The following SMARCAL1 variants were observed in gnomAD, a reference collection of about 807,000 sequenced individuals.
SMARCAL1 encodes the protein SNF2 related chromatin remodeling annealing helicase 1.
Under a neutral mutation model 94.5 loss-of-function variants are expected in SMARCAL1, and 58 were observed. The observed-to-expected ratio is 0.61, with a 90% CI of 0.50 to 0.76. The LOEUF is 0.76. SMARCAL1 is among the 30% of genes least tolerant of loss of function. SMARCAL1 has a pLI of 0.00. For synonymous variants in SMARCAL1, 422 were observed against 455.1 expected (o/e 0.93, Z 0.93); for missense variants, 1,051 against 1,177.9 (o/e 0.89, Z 1.58).
At chr2:216,438,928 A>G (rs557867777) in intron 10 of SMARCAL1, among the ~76,000 whole-genome samples, 6 of 152,314 alleles carry the variant, frequency 3.9e-5, no homozygotes, top group Admixed American at 1.3e-4. Context: ...GTATTAATGA[A>G]AGTAATGGCA....
At chr2:216,467,822 G>A (rs1694862565) in intron 13 of SMARCAL1, 122 bp from the exon 14 acceptor site, 2 of 722,064 alleles carry the variant, frequency 2.8e-6, no homozygotes, top group Non-Finnish European at 2.5e-6. Context: ...CGGAGGTAAA[G>A]TGAAAACTGT....
intron 6 of SMARCAL1, among the ~76,000 whole-genome samples, chr2:216,425,177 G>A (rs924544149): frequency 1.3e-5 from 2 of 152,214 alleles, no homozygotes; most frequent in African/African-American, 4.8e-5. Context: ...CACTGAGGGC[G>A]AGCTAGGCAT....
At chr2:216,466,117 G>A (rs1019002612) in intron 13 of SMARCAL1, among the ~76,000 whole-genome samples, 10 of 152,108 alleles carry the variant, frequency 6.6e-5, no homozygotes, top group African/African-American at 1.4e-4. Flanking sequence ...AAGGGTGTGC[G>A]TTTCTCCCTT....
At chr2:216,435,556 GCT>G in intron 9 of SMARCAL1, 60 bp downstream of exon 9, 1 of 1,466,132 alleles carries the variant, frequency 6.8e-7, no homozygotes, top group Non-Finnish European at 9.5e-7. Context: ...CTTTGTAAAA[GCT>G]CTGAGAACTT....
At chr2:216,428,885 T>C in intron 7 of SMARCAL1, 103 bp downstream of exon 7, 1 of 1,080,476 alleles carries the variant, frequency 9.3e-7, no homozygotes, top group Non-Finnish European at 1.4e-6. Flanking sequence ...TTATTTACCA[T>C]GGATAGATGA....
chr2:216,464,594 C>T lies in SMARCAL1; in HGVS notation c.2071-3C>T. On this transcript the variant is annotated splice_polypyrimidine_tract_variant and splice_region_variant and intron_variant, in intron 12 of 17. Coordinates refer to ENST00000357276, the MANE Select transcript of SMARCAL1 (RefSeq NM_014140.4). ...TTAACATTCTTAACTTATCTTTCAA[C>T]AGAAACAGCAGCAGAAAGATGCCCT... is the stretch of plus-strand genomic sequence containing the variant. 1 of 1,610,506 alleles carries T rather than the reference C, an allele frequency of 6.2e-7. No individual in the cohort carries two copies. Among genetic ancestry groups the T allele is most frequent in the Non-Finnish European group, 8.5e-7 (1 of 1,177,184 alleles).
chr2:216,444,620 A>G (rs1354143664), intron 10 of SMARCAL1, among the ~76,000 whole-genome samples: 1 of 152,140 alleles, frequency 6.6e-6, no homozygotes, highest in Non-Finnish European at 1.5e-5. Context: ...CCCCTGTTCA[A>G]GTGATTCCCT....
chr2:216,475,018 A>G lies in SMARCAL1; in HGVS notation c.2245-251A>G, dbSNP rs1695040343. ...CATCCTGGCTGTGGTATTATACTAT[A>G]GTTTTTATAGAATGTTACCACTGCA... is the stretch of plus-strand genomic sequence containing the variant. On this transcript the variant is annotated intron_variant, in intron 14 of 17. Coordinates refer to ENST00000357276, the MANE Select transcript of SMARCAL1 (RefSeq NM_014140.4). The surrounding 1 kb of genome is among the most constrained non-coding windows in gnomAD (Gnocchi z 4.4). Among the ~76,000 whole-genome samples, 1 of 152,258 alleles carries G rather than the reference A, an allele frequency of 6.6e-6. No homozygotes were observed.
intron 8 of SMARCAL1, among the ~76,000 whole-genome samples, chr2:216,433,333 C>G (rs1309687651): frequency 6.6e-6 from 1 of 152,158 alleles, no homozygotes; most frequent in Non-Finnish European, 1.5e-5. Flanking sequence ...ATCCACCTGT[C>G]TTGGCCTCCC....
In SMARCAL1 at chr2:216,450,952, A is replaced by G. The variant is rs2106055268; in HGVS notation, c.1958A>G (p.Gln653Arg). 3 of 1,614,228 alleles carry G rather than the reference A, an allele frequency of 1.9e-6. No homozygotes were observed. Among genetic ancestry groups the G allele is most frequent in the Non-Finnish European group, 2.5e-6 (3 of 1,180,032 alleles). ...LRRLKSDVLS[Q>R]LPAKQRKIVV... is the part of the protein sequence containing the mutation. ...CGCCTCAAGTCCGACGTCCTTTCCCAGCTGCCTGCCAAGCAGCGCAAGATA... is the reference window on the plus strand; with the variant it reads ...CGCCTCAAGTCCGACGTCCTTTCCCGGCTGCCTGCCAAGCAGCGCAAGATA... Residue 653 changes from glutamine to arginine, a missense_variant, in exon 12 of 18, where the codon CAG becomes CGG. Physicochemically the swap from Gln to Arg is conservative, Grantham distance 43. Coordinates refer to ENST00000357276, the MANE Select transcript of SMARCAL1 (RefSeq NM_014140.4).
intron 12 of SMARCAL1, among the ~76,000 whole-genome samples, chr2:216,458,545 C>T (rs1414625612): frequency 6.6e-6 from 1 of 152,150 alleles, no homozygotes; most frequent in Non-Finnish European, 1.5e-5. Flanking sequence ...AATCAATAAA[C>T]ATAATCCAGC....
intron 12 of SMARCAL1, among the ~76,000 whole-genome samples, chr2:216,455,817 C>T (rs1694552291): frequency 6.6e-6 from 1 of 152,230 alleles, no homozygotes; most frequent in South Asian, 2.1e-4. Flanking sequence ...AGGAATGCAG[C>T]TCCTCACCAG....
chr2:216,433,912 G>A (rs1295761764), intron 8 of SMARCAL1, among the ~76,000 whole-genome samples: 3 of 148,494 alleles, frequency 2.0e-5, no homozygotes, highest in Admixed American at 6.7e-5. Flanking sequence ...TATTCTGACC[G>A]AAGAGATGGC....
chr2:216,455,994 G>T (rs1694557889), intron 12 of SMARCAL1, among the ~76,000 whole-genome samples: 1 of 152,186 alleles, frequency 6.6e-6, no homozygotes, highest in Non-Finnish European at 1.5e-5. Context: ...CCAATGCAGA[G>T]AAGTCCTTAA....
chr2:216,437,649 G>A (rs1484749652), intron 9 of SMARCAL1, among the ~76,000 whole-genome samples: 1 of 152,036 alleles, frequency 6.6e-6, no homozygotes, highest in Non-Finnish European at 1.5e-5. Flanking sequence ...ACACAGCAAG[G>A]AATTTGACTC....
intron 7 of SMARCAL1, among the ~76,000 whole-genome samples, chr2:216,430,733 A>T (rs891153541): frequency 1.3e-5 from 2 of 152,240 alleles, no homozygotes; most frequent in Admixed American, 1.3e-4. Flanking sequence ...TGGAAATTAT[A>T]GATGGTAAAG....
At chr2:216,461,737 G>A (rs953156146) in intron 12 of SMARCAL1, among the ~76,000 whole-genome samples, 4 of 152,060 alleles carry the variant, frequency 2.6e-5, no homozygotes, top group Non-Finnish European at 5.9e-5. Flanking sequence ...AGGAGGCTGA[G>A]GTGGGAAGAT....
At position 216,441,309 on chromosome 2, in the gene SMARCAL1, A is replaced by G. The variant is rs373554199; in HGVS notation, c.1710+2824A>G. Reference sequence around the variant, plus strand: ...AAATTGGTGTCACTGTCCCCTGGGAAACGTGACATTTTTCTTCCCCCACAG... The same window carrying G: ...AAATTGGTGTCACTGTCCCCTGGGAGACGTGACATTTTTCTTCCCCCACAG... On this transcript the variant is annotated intron_variant, in intron 10 of 17. Coordinates refer to ENST00000357276, the MANE Select transcript of SMARCAL1 (RefSeq NM_014140.4). Among the ~76,000 whole-genome samples the G allele has an allele frequency of 6.6e-5, 10 of 152,314 alleles. No individual in the cohort carries two copies. In the East Asian group the frequency reaches 1.5e-3, roughly 24 times the overall value.
At chr2:216,450,629 T>C (rs1004765257) in intron 11 of SMARCAL1, among the ~76,000 whole-genome samples, 1 of 152,218 alleles carries the variant, frequency 6.6e-6, no homozygotes, top group African/African-American at 2.4e-5. Context: ...CCATGATAGG[T>C]GTTTTTTATT....
Sources: allele counts gnomAD v4.1 joint callset (sites outside exome capture counted in the v4.1 genomes callset), GRCh38; gene constraint gnomAD v4.1.1; non-coding constraint Gnocchi (gnomAD v3.1); transcripts MANE v1.5; gene names NCBI Gene and HGNC (gene_info 2026-07-23, HGNC 2026-07-21).